RSF1: variants seen among roughly 807,000 people sequenced by gnomAD.
The protein encoded by RSF1 is HBV pX-associated protein 8.
RSF1 carries 13 observed loss-of-function variants against 145.2 expected under a neutral mutation model. That is an observed-to-expected ratio of 0.09 (90% confidence interval 0.06 to 0.14). The LOEUF is 0.14. Ranked by LOEUF, RSF1 falls within the 10% of genes least tolerant of loss-of-function variation. The probability of loss-of-function intolerance (pLI) is 1.00; values close to 1 mark genes in which losing one functional copy is unlikely to be tolerated. For missense variants in RSF1, 1,517 were observed against 1,718.2 expected (o/e 0.88, Z 2.07); for synonymous variants, 577 against 592.6 (o/e 0.97, Z 0.38).
chr11:77,704,075 C>T (rs940386953), intron 5 of RSF1, among the ~76,000 whole-genome samples: 1 of 152,194 alleles, frequency 6.6e-6, no homozygotes, highest in African/African-American at 2.4e-5. Flanking sequence ...GGGTGGATCG[C>T]TTGAGCTCAG....
At chr11:77,714,344 TGG>T (rs1200909481) in intron 5 of RSF1, among the ~76,000 whole-genome samples, 3 of 152,200 alleles carry the variant, frequency 2.0e-5, no homozygotes, top group African/African-American at 7.2e-5. Flanking sequence ...ATGGGGGAAT[TGG>T]TAGAGACTCA....
chr11:77,756,209 T>G (rs1317452590), intron 2 of RSF1, among the ~76,000 whole-genome samples: 2 of 151,680 alleles, frequency 1.3e-5, no homozygotes, highest in East Asian at 3.9e-4. Context: ...AATACAAAAT[T>G]AGCTGGGCAT....
chr11:77,838,113 T>C, the RSF1 span, among the ~76,000 whole-genome samples: 2 of 152,150 alleles, frequency 1.3e-5, no homozygotes, highest in Non-Finnish European at 2.9e-5. Flanking sequence ...AAATGGGTTA[T>C]TAGTTATTAA....
rs538518074 is a variant in RSF1 at position 77,796,624 on chromosome 11, C to T, written c.187+23904G>A. 1.9e-4 allele frequency among the ~76,000 whole-genome samples: 29 copies of T among 152,240 alleles called. No homozygotes were observed. The South Asian group carries it at 2.5e-3, about 13-fold the overall frequency. Reference sequence around the variant, plus strand: ...AAGACAAGGATGCCCTCTCTCACCACTCCTATTCAACATAGTATTGGAAGT... The same window carrying T: ...AAGACAAGGATGCCCTCTCTCACCATTCCTATTCAACATAGTATTGGAAGT... On this transcript the variant is annotated intron_variant, in intron 1 of 15. Transcript: ENST00000308488.
chr11:77,808,086 C>T (rs1948694941), intron 1 of RSF1, among the ~76,000 whole-genome samples: 1 of 152,090 alleles, frequency 6.6e-6, no homozygotes. Context: ...GTAATCCCAG[C>T]ACTTTGGGAG....
intron 11 of RSF1, among the ~76,000 whole-genome samples, chr11:77,682,329 T>A (rs1395178783): frequency 1.3e-5 from 2 of 152,228 alleles, no homozygotes; most frequent in African/African-American, 2.4e-5. Context: ...TAAAATCCAC[T>A]GTTTTCCTTT....
At chr11:77,682,534 A>G (rs561191103) in intron 11 of RSF1, among the ~76,000 whole-genome samples, 1 of 152,368 alleles carries the variant, frequency 6.6e-6, no homozygotes, top group African/African-American at 2.4e-5. Flanking sequence ...AGCTACTAAC[A>G]GTGACCATGG....
chr11:77,859,594 G>A, the RSF1 span, among the ~76,000 whole-genome samples: 9 of 152,280 alleles, frequency 5.9e-5, no homozygotes, highest in Non-Finnish European at 1.3e-4. Flanking sequence ...CTAGTTCCTG[G>A]AGTGAGGGGA....
intron 1 of RSF1, among the ~76,000 whole-genome samples, chr11:77,774,780 T>C (rs1250566120): frequency 1.3e-5 from 2 of 150,186 alleles, no homozygotes. Flanking sequence ...TTTCTTTTTT[T>C]TTTGAGACGG....
At chr11:77,780,936 C>A (rs1185365852) in intron 1 of RSF1, among the ~76,000 whole-genome samples, 1 of 151,940 alleles carries the variant, frequency 6.6e-6, no homozygotes, top group Non-Finnish European at 1.5e-5. Flanking sequence ...GTTTTCCATA[C>A]TACAGATTTG....
chr11:77,685,033 C>A, intron 10 of RSF1, 72 bp downstream of exon 10: 2 of 752,364 alleles, frequency 2.7e-6, no homozygotes, highest in South Asian at 4.3e-5. Context: ...ACTAACATTA[C>A]ATAAGGTGGG....
Position 77,667,392 on chromosome 11 carries a change from G to A in RSF1, c.3851C>T (p.Ala1284Val). The stretch of plus-strand genomic sequence containing the variant: ...TTCCTCTTCCTCCTCCTCCTCATCT[G>A]CTTCTGAATACTCGTCTGTGCTTCG... ...RGRSTDEYSE[A>V]DEEEEEEEGK... Residue 1284 changes from alanine (A) to valine (V), a missense_variant, in exon 16 of 16, where the codon GCA (alanine) becomes GTA (valine). By Grantham distance (64) the Ala-to-Val change is moderately conservative. This residue lies in a region of RSF1 where 240 missense variants were observed against 231.8 expected (regional missense o/e 1.04). Transcript: ENST00000308488. 1.9e-6 allele frequency: 3 copies of A among 1,613,960 alleles called. No individual in the cohort carries two copies. Among genetic ancestry groups the A allele is most frequent in the Non-Finnish European group, 2.5e-6 (3 of 1,180,024 alleles).
intron 3 of RSF1, among the ~76,000 whole-genome samples, chr11:77,746,147 A>G (rs1947997403): frequency 1.3e-5 from 2 of 152,168 alleles, no homozygotes; most frequent in South Asian, 4.1e-4. Context: ...TATAATTTCT[A>G]TAACTTTGAC....
chr11:77,806,161 A>G (rs1472794588), intron 1 of RSF1, among the ~76,000 whole-genome samples: 2 of 152,134 alleles, frequency 1.3e-5, no homozygotes, highest in Non-Finnish European at 2.9e-5. Flanking sequence ...CAGAAATGAG[A>G]ATTTCAGGTC....
chr11:77,732,889 T>C (rs1454196711), intron 4 of RSF1, among the ~76,000 whole-genome samples: 1 of 152,220 alleles, frequency 6.6e-6, no homozygotes, highest in Non-Finnish European at 1.5e-5. Flanking sequence ...TTCTAGAACT[T>C]ATCACAAATG....
chr11:77,761,094 G>A (rs551007847), intron 2 of RSF1, among the ~76,000 whole-genome samples: 3 of 151,900 alleles, frequency 2.0e-5, no homozygotes, highest in Admixed American at 6.6e-5. Context: ...TTGCCACCAC[G>A]CCCAGCTAAT....
intron 2 of RSF1, among the ~76,000 whole-genome samples, chr11:77,752,677 C>T (rs976042383): frequency 1.3e-5 from 2 of 152,066 alleles, no homozygotes; most frequent in Non-Finnish European, 1.5e-5. Flanking sequence ...CCTTGGATGT[C>T]GCCCCAGATG....
intron 5 of RSF1, among the ~76,000 whole-genome samples, chr11:77,708,742 C>A (rs961218098): frequency 4.6e-5 from 7 of 152,210 alleles, no homozygotes; most frequent in African/African-American, 1.7e-4. Context: ...GCACAATTGG[C>A]ATGTCTCTCT....
chr11:77,785,637 A>T (rs1204294544), intron 1 of RSF1, among the ~76,000 whole-genome samples: 1 of 151,846 alleles, frequency 6.6e-6, no homozygotes, highest in Non-Finnish European at 1.5e-5. Flanking sequence ...TGTGTACTTG[A>T]GCAGATGATA....
Sources: allele counts gnomAD v4.1 joint callset (sites outside exome capture counted in the v4.1 genomes callset), GRCh38; gene constraint gnomAD v4.1.1; regional missense constraint gnomAD v4.1.1; transcripts MANE v1.5; gene names NCBI Gene and HGNC (gene_info 2026-07-23, HGNC 2026-07-21).